SMC3: variants seen among roughly 807,000 people sequenced by gnomAD.
The protein encoded by SMC3 is structural maintenance of chromosomes protein 3.
A neutral mutation model predicts 171.8 loss-of-function variants in SMC3; 20 were observed. That is an observed-to-expected ratio of 0.12 (90% CI 0.08 to 0.17). The LOEUF (loss-of-function observed/expected upper bound fraction) is 0.17, where lower values mean the gene tolerates loss of function less well. SMC3 is among the 10% of genes least tolerant of loss of function. The pLI is 1.00. For missense variants in SMC3, 543 were observed against 1,420.4 expected, an observed-to-expected ratio of 0.38 and a Z score of 9.93; for synonymous variants, 464 against 451.1, an observed-to-expected ratio of 1.03 and a Z score of -0.36.
chr10:110,574,958 G>T (rs575192611), intron 3 of SMC3, among the ~76,000 whole-genome samples: 1 of 152,162 alleles, frequency 6.6e-6, no homozygotes, highest in African/African-American at 2.4e-5. Flanking sequence ...TGTTAAAAAG[G>T]ATTTTAACTC....
rs1302915512 is a variant in SMC3 at position 110,599,573 on chromosome 10, C to T, written c.2269-81C>T. The T allele has an allele frequency of 6.9e-6, 9 of 1,295,798 alleles. No individual in the cohort carries two copies. In the African/African-American group the frequency reaches 1.2e-4, roughly 17 times the overall value. 80.3% of individuals were successfully genotyped at this position (1,295,798 alleles called of 1,614,324 possible). On this transcript the variant is annotated intron_variant, in intron 20 of 28. Transcript: ENST00000361804. ...GATATGTCTATATATTTAGCTCAATCAAATATAGATTGTTTTAAAATTTTC... is the reference window on the plus strand; with the variant it reads ...GATATGTCTATATATTTAGCTCAATTAAATATAGATTGTTTTAAAATTTTC...
intron 22 of SMC3, 103 bp from the exon 23 acceptor site, chr10:110,600,919 T>G (rs1469134813): frequency 1.2e-6 from 1 of 806,988 alleles, no homozygotes; most frequent in African/African-American, 1.7e-5. Flanking sequence ...TATGATGTAT[T>G]TATATTTTTT....
chr10:110,578,540 A>G (rs1860989036), intron 6 of SMC3, 88 bp from the exon 7 acceptor site: 1 of 889,794 alleles, frequency 1.1e-6, no homozygotes, highest in Non-Finnish European at 1.8e-6. Context: ...TTCCTCCCTA[A>G]TGCTATCAAC....
chr10:110,569,496 T>TG (rs1372529223), intron 2 of SMC3, among the ~76,000 whole-genome samples: 1 of 151,848 alleles, frequency 6.6e-6, no homozygotes, highest in Non-Finnish European at 1.5e-5. Flanking sequence ...GGTGGGGGCC[T>TG]GGGGGAGGGA....
rs760564863 is a variant in SMC3, at chr10:110,567,770, G to T, written c.-47G>T. ...CCTCACCTGACCCTGCGGCCGTGCGGTTGCTGCTCCGGGGCAGGTCTCCTT... is the reference window on the plus strand; with the variant it reads ...CCTCACCTGACCCTGCGGCCGTGCGTTTGCTGCTCCGGGGCAGGTCTCCTT... On this transcript the variant is annotated 5_prime_UTR_variant, in exon 1 of 29. Transcript: ENST00000361804. 6.2e-7 allele frequency: 1 copy of T among 1,612,922 alleles called. No individual in the cohort carries two copies. The highest frequency in any genetic ancestry group is 1.3e-5 in the African/African-American group (1 of 75,042).
rs777507840 is a variant in SMC3, at chr10:110,567,787, G to A, written c.-30G>A. 1.9e-6 allele frequency: 3 copies of A among 1,613,230 alleles called. No homozygotes were observed. Among genetic ancestry groups the A allele is most frequent in the African/African-American group, 2.7e-5 (2 of 74,932 alleles). On this transcript the variant is annotated 5_prime_UTR_variant, in exon 1 of 29. Coordinates refer to ENST00000361804, the MANE Select transcript of SMC3 (RefSeq NM_005445.4). ...GCCGTGCGGTTGCTGCTCCGGGGCA[G>A]GTCTCCTTCCAGGCCAGGGGCCCGG...
intron 7 of SMC3, among the ~76,000 whole-genome samples, chr10:110,579,447 C>T (rs1590553493): frequency 1.3e-5 from 2 of 152,004 alleles, no homozygotes; most frequent in South Asian, 2.1e-4. Context: ...TTCTGAGATC[C>T]GTCTGCTGTC....
Position 110,595,749 on chromosome 10 carries a change from T to C in SMC3, c.1964-649T>C. Among the ~76,000 whole-genome samples the C allele has an allele frequency of 2.2e-5, 3 of 136,594 alleles. 1 individual carries two copies. Among genetic ancestry groups the C allele is most frequent in the Non-Finnish European group, 4.4e-5 (3 of 67,818 alleles). 89.6% of individuals were successfully genotyped at this position (136,594 alleles called of 152,430 possible). A position where few individuals can be genotyped will look rare whatever the true frequency, so the allele number is the denominator to read the frequency against. ...AGTATCACTGTGATTCATGAATTTTTTTTTTTTAATTCAATATGTTATTAC... is the reference window on the plus strand; with the variant it reads ...AGTATCACTGTGATTCATGAATTTTCTTTTTTTAATTCAATATGTTATTAC... On this transcript the variant is annotated intron_variant, in intron 18 of 28. Coordinates refer to ENST00000361804, the MANE Select transcript of SMC3 (RefSeq NM_005445.4).
chr10:110,604,368 GTAAA>G lies in SMC3; in HGVS notation c.*68_*71del. The G allele has an allele frequency of 8.4e-7, 1 of 1,184,096 alleles. No individual in the cohort carries two copies. Among genetic ancestry groups the G allele is most frequent in the East Asian group, 2.4e-5 (1 of 42,340 alleles). 73.3% of individuals were successfully genotyped at this position (1,184,096 alleles called of 1,614,324 possible). A position where few individuals can be genotyped will look rare whatever the true frequency, so the allele number is the denominator to read the frequency against. On this transcript the variant is annotated 3_prime_UTR_variant, in exon 29 of 29. Transcript: ENST00000361804. ...AATATGATTCTCATACCCAGGAACT[GTAAA>G]TTTAAACCTAAATATTTGGCCAATA...
At chr10:110,594,315 TA>T (rs1861260231) in intron 18 of SMC3, among the ~76,000 whole-genome samples, 1 of 151,790 alleles carries the variant, frequency 6.6e-6, no homozygotes, top group South Asian at 2.1e-4. Flanking sequence ...GCATGGTTAT[TA>T]TTTTAAAAAA....
chr10:110,569,144 AACTT>A lies in SMC3; in HGVS notation c.91+132_91+135del, dbSNP rs1860828561. ...TAAGTTATATTTTTCTGCGTGAAAT[AACTT>A]TTCTGTCTTATTGCACTGATGAATT... On this transcript the variant is annotated intron_variant, in intron 2 of 28. Coordinates refer to ENST00000361804, the MANE Select transcript of SMC3 (RefSeq NM_005445.4). The A allele has an allele frequency of 5.7e-6, 4 of 704,014 alleles. No individual in the cohort carries two copies. The South Asian group carries it at 6.4e-5, about 11-fold the overall frequency. 43.6% of individuals were successfully genotyped at this position (704,014 alleles called of 1,614,324 possible).
Position 110,581,014 on chromosome 10 carries a change from A to G in SMC3, c.540A>G (p.Lys180=). 1 of 1,526,384 alleles carries G rather than the reference A, an allele frequency of 6.6e-7. No individual in the cohort carries two copies. Among genetic ancestry groups the G allele is most frequent in the Non-Finnish European group, 9.1e-7 (1 of 1,099,902 alleles). 94.6% of individuals were successfully genotyped at this position (1,526,384 alleles called of 1,614,324 possible). Residue 180 remains lysine, a synonymous_variant, in exon 8 of 29, where the codon AAA becomes AAG. Transcript: ENST00000361804. ...ERKEESISLM[K]ETEGKREKIN... Reference sequence around the variant, plus strand: ...AGGAAGAAAGCATCTCCTTAATGAAAGAAACAGGTAAAATAAATGTGATTC... The same window carrying G: ...AGGAAGAAAGCATCTCCTTAATGAAGGAAACAGGTAAAATAAATGTGATTC...
chr10:110,594,484 A>G (rs1469353570), intron 18 of SMC3, among the ~76,000 whole-genome samples: 1 of 152,134 alleles, frequency 6.6e-6, no homozygotes, highest in Non-Finnish European at 1.5e-5. Flanking sequence ...ACAGATACTA[A>G]TACTACTACT....
At chr10:110,580,187 T>A (rs1349510338) in intron 7 of SMC3, among the ~76,000 whole-genome samples, 2 of 152,218 alleles carry the variant, frequency 1.3e-5, no homozygotes, top group Non-Finnish European at 2.9e-5. Flanking sequence ...ATGCAAATAC[T>A]ATGCCATTTT....
chr10:110,600,354 C>G lies in SMC3; in HGVS notation c.2428-85C>G. 3 of 761,946 alleles carry G rather than the reference C, an allele frequency of 3.9e-6. No homozygotes were observed. The South Asian group carries it at 4.4e-5, about 11-fold the overall frequency. 47.2% of individuals were successfully genotyped at this position (761,946 alleles called of 1,614,324 possible). A position where few individuals can be genotyped will look rare whatever the true frequency, so the allele number is the denominator to read the frequency against. On this transcript the variant is annotated intron_variant, in intron 21 of 28. Transcript: ENST00000361804. ...AACTTCATTTCAGCTCACATGAGCA[C>G]AAGTACTAGAGAGGACAGCAAATGA...
At position 110,602,373 on chromosome 10, in the gene SMC3, T is replaced by C; in HGVS notation, c.3106-101T>C. The C allele has an allele frequency of 5.6e-6, 6 of 1,080,904 alleles. No individual in the cohort carries two copies. The South Asian group carries it at 8.1e-5, about 15-fold the overall frequency. 67.0% of individuals were successfully genotyped at this position (1,080,904 alleles called of 1,614,324 possible). ...AGAAGGATCTAGTCTGTTATCCTTG[T>C]TCTTAAGATTAAAAAATAATTGGTT... On this transcript the variant is annotated intron_variant, in intron 25 of 28. Coordinates refer to ENST00000361804, the MANE Select transcript of SMC3 (RefSeq NM_005445.4).
At chr10:110,586,668 G>A (rs1331142313) in intron 13 of SMC3, among the ~76,000 whole-genome samples, 1 of 152,036 alleles carries the variant, frequency 6.6e-6, no homozygotes, top group Non-Finnish European at 1.5e-5. Context: ...TATGTAAATA[G>A]CCTTTTTTTT....
At chr10:110,593,300 A>C (rs569408693) in intron 18 of SMC3, 77 bp downstream of exon 18, 2 of 1,450,460 alleles carry the variant, frequency 1.4e-6, no homozygotes, top group Admixed American at 1.8e-5. Context: ...GGCTGGGCGC[A>C]GTGGCTCATG....
chr10:110,595,504 TC>T (rs1301529483), intron 18 of SMC3, among the ~76,000 whole-genome samples: 6 of 152,338 alleles, frequency 3.9e-5, no homozygotes, highest in Non-Finnish European at 8.8e-5. Flanking sequence ...TGTAAAGGTA[TC>T]CCTTTGCCCC....
Sources: allele counts gnomAD v4.1 joint callset (sites outside exome capture counted in the v4.1 genomes callset), GRCh38; gene constraint gnomAD v4.1.1; transcripts MANE v1.5; gene names NCBI Gene and HGNC (gene_info 2026-07-23, HGNC 2026-07-21).